Variants in RASGEF1A observed in about 807,000 individuals in gnomAD.
RASGEF1A encodes RasGEF domain family member 1A, also known as ras-GEF domain-containing family member 1A.
Under a neutral mutation model 56.4 loss-of-function variants are expected in RASGEF1A, and 18 were observed. The ratio of observed to expected loss-of-function variants is 0.32; its 90% CI spans 0.22 to 0.47. RASGEF1A has a LOEUF of 0.47. RASGEF1A is among the 20% of genes least tolerant of loss of function. The pLI, the probability that RASGEF1A is intolerant of heterozygous loss-of-function variation, is 1.00. For synonymous variants in RASGEF1A, 245 were observed against 242.6 expected, an observed-to-expected ratio of 1.01 and a Z score of -0.09; for missense variants, 422 against 627.1, an observed-to-expected ratio of 0.67 and a Z score of 3.49.
intron 1 of RASGEF1A, among the ~76,000 whole-genome samples, chr10:43,225,768 T>C (rs1180098761): frequency 2.0e-5 from 3 of 152,126 alleles, no homozygotes; most frequent in Non-Finnish European, 4.4e-5. Context: ...TCTAGGAACA[T>C]GCCAGTCCCT....
chr10:43,210,172 C>A (rs549479004), intron 1 of RASGEF1A, among the ~76,000 whole-genome samples: 1 of 152,202 alleles, frequency 6.6e-6, no homozygotes, highest in Non-Finnish European at 1.5e-5. Flanking sequence ...TAAGCTGCAC[C>A]GGCTAACTCA....
chr10:43,239,464 A>T (rs1445079648), intron 1 of RASGEF1A, among the ~76,000 whole-genome samples: 1 of 152,250 alleles, frequency 6.6e-6, no homozygotes, highest in East Asian at 1.9e-4. Flanking sequence ...AAAAGGTCAG[A>T]ATCCACATTT....
intron 1 of RASGEF1A, chr10:43,208,370 T>G (rs999757399): frequency 7.1e-6 from 7 of 985,604 alleles, no homozygotes; most frequent in Non-Finnish European, 8.4e-6. Flanking sequence ...GGCCACTCCA[T>G]GTCCAGCCTG....
At position 43,195,174 on chromosome 10, in the gene RASGEF1A, A is replaced by G. The variant is rs1839778563; in HGVS notation, c.*1070T>C. The G allele has an allele frequency of 6.6e-6, 1 of 152,254 alleles. No individual in the cohort carries two copies. The highest frequency in any genetic ancestry group is 1.9e-4 in the East Asian group (1 of 5,200). 9.4% of individuals were successfully genotyped at this position (152,254 alleles called of 1,614,324 possible). On this transcript the variant is annotated 3_prime_UTR_variant, in exon 13 of 13. Transcript: ENST00000395810. The surrounding 1 kb of genome is among the most constrained non-coding windows in gnomAD (Gnocchi z 4.2). ...AGGACAGCTGTCCTGCGCCATGGTC[A>G]GTAGGGCCCAGGGCTCACACCACGA...
At chr10:43,256,703 C>T (rs1836414068) in intron 1 of RASGEF1A, among the ~76,000 whole-genome samples, 1 of 152,166 alleles carries the variant, frequency 6.6e-6, no homozygotes, top group African/African-American at 2.4e-5. Context: ...CTGGTGTGGA[C>T]CAGCGCACAC....
intron 1 of RASGEF1A, among the ~76,000 whole-genome samples, chr10:43,265,555 C>A (rs79211220): frequency 0.055 from 8,426 of 152,358 alleles, 317 homozygotes; most frequent in South Asian, 0.089. Context: ...TCCTCCATGT[C>A]CCCCTGCTCC....
intron 1 of RASGEF1A, chr10:43,207,486 G>A (rs1840013814): frequency 1.0e-6 from 1 of 984,262 alleles, no homozygotes; most frequent in Non-Finnish European, 1.2e-6. Context: ...AGAGCATCTG[G>A]CCCAGACGTC....
chr10:43,257,439 G>A (rs1010734688), intron 1 of RASGEF1A, among the ~76,000 whole-genome samples: 3 of 152,210 alleles, frequency 2.0e-5, no homozygotes, highest in African/African-American at 4.8e-5. Flanking sequence ...CACAGGTCCC[G>A]CCCAGGAGGC....
At chr10:43,225,417 CTCTGTG>C (rs1360479145) in intron 1 of RASGEF1A, among the ~76,000 whole-genome samples, 1 of 148,732 alleles carries the variant, frequency 6.7e-6, no homozygotes, top group Non-Finnish European at 1.5e-5. Context: ...CTGCATGTGT[CTCTGTG>C]TCTGTGTCTC....
chr10:43,222,387 G>A (rs1228273962), intron 1 of RASGEF1A, among the ~76,000 whole-genome samples: 1 of 152,172 alleles, frequency 6.6e-6, no homozygotes, highest in East Asian at 1.9e-4. Flanking sequence ...GTGATGAAAG[G>A]GTGGGGACTT....
chr10:43,203,188 C>T, intron 3 of RASGEF1A, 110 bp downstream of exon 3: 3 of 1,024,582 alleles, frequency 2.9e-6, no homozygotes, highest in South Asian at 1.5e-5. Context: ...CTAGCCCTGA[C>T]CCCATCCCCC....
At chr10:43,263,153 T>C (rs1836566197) in intron 1 of RASGEF1A, among the ~76,000 whole-genome samples, 1 of 152,006 alleles carries the variant, frequency 6.6e-6, no homozygotes, top group African/African-American at 2.4e-5. Context: ...ACAGATGCTG[T>C]GGCTGGGTAG....
intron 1 of RASGEF1A, among the ~76,000 whole-genome samples, chr10:43,266,161 C>A (rs1342421035): frequency 6.6e-6 from 1 of 152,234 alleles, no homozygotes; most frequent in Non-Finnish European, 1.5e-5. Flanking sequence ...CCTCCACACA[C>A]AGCAGGGGAC....
At chr10:43,249,748 G>T (rs1455087189) in intron 1 of RASGEF1A, among the ~76,000 whole-genome samples, 1 of 152,222 alleles carries the variant, frequency 6.6e-6, no homozygotes, top group Non-Finnish European at 1.5e-5. Context: ...CAGCTGGGAA[G>T]GCCTGTGGTC....
chr10:43,207,105 C>T (rs567362609), intron 1 of RASGEF1A: 178 of 985,532 alleles, frequency 1.8e-4, no homozygotes, highest in Non-Finnish European at 2.1e-4. Context: ...GGGGACTGGA[C>T]GATGCAGCAA....
intron 1 of RASGEF1A, among the ~76,000 whole-genome samples, chr10:43,255,887 C>T (rs1840682427): frequency 1.3e-5 from 2 of 152,200 alleles, no homozygotes. Context: ...CCCCACTCCC[C>T]CAGAGGAGCA....
chr10:43,254,665 A>G (rs567458310), intron 1 of RASGEF1A, among the ~76,000 whole-genome samples: 3 of 152,116 alleles, frequency 2.0e-5, no homozygotes, highest in African/African-American at 7.2e-5. Context: ...CTGGGAGTCC[A>G]TAAGGCTGTG....
At chr10:43,241,302 A>G (rs1840495410) in intron 1 of RASGEF1A, among the ~76,000 whole-genome samples, 1 of 152,244 alleles carries the variant, frequency 6.6e-6, no homozygotes. Flanking sequence ...CCTGAATTAA[A>G]AGACAACTGC....
intron 2 of RASGEF1A, chr10:43,203,794 C>A: frequency 9.7e-7 from 1 of 1,032,780 alleles, no homozygotes; most frequent in Non-Finnish European, 1.2e-6. Context: ...TGTTTCAGAT[C>A]CTCGTGGGCC....
Sources: allele counts gnomAD v4.1 joint callset (sites outside exome capture counted in the v4.1 genomes callset), GRCh38; gene constraint gnomAD v4.1.1; non-coding constraint Gnocchi (gnomAD v3.1); transcripts MANE v1.5; gene names NCBI Gene and HGNC (gene_info 2026-07-23, HGNC 2026-07-21).